KCNH5: variants seen among roughly 807,000 people sequenced by gnomAD.
The protein encoded by KCNH5 is potassium voltage-gated channel subfamily H member 5, also known as voltage-gated delayed rectifier potassium channel KCNH5.
Under a neutral mutation model 96.1 loss-of-function variants are expected in KCNH5, and 46 were observed. The observed-to-expected ratio is 0.48, with a 90% CI of 0.38 to 0.61. KCNH5 has a LOEUF of 0.61. Among genes scored for constraint, KCNH5 ranks in the 20% least tolerant of loss-of-function variants. The pLI is 0.00. For missense variants in KCNH5, 907 were observed against 1,225.8 expected (o/e 0.74, Z 3.88); for synonymous variants, 439 against 449.8 (o/e 0.98, Z 0.30).
intron 8 of KCNH5, among the ~76,000 whole-genome samples, chr14:62,819,947 T>C (rs892136961): frequency 6.6e-6 from 1 of 152,242 alleles, no homozygotes; most frequent in African/African-American, 2.4e-5. Flanking sequence ...GAACATCTCA[T>C]GAGCCATAAG....
At chr14:63,020,713 AT>A (rs1430662673) in intron 1 of KCNH5, among the ~76,000 whole-genome samples, 7 of 152,330 alleles carry the variant, frequency 4.6e-5, no homozygotes, top group African/African-American at 1.4e-4. Context: ...TGATAGAGGT[AT>A]ACGTTACACA....
intron 8 of KCNH5, among the ~76,000 whole-genome samples, chr14:62,822,458 T>C (rs544522400): frequency 3.4e-4 from 51 of 152,070 alleles, no homozygotes; most frequent in Middle Eastern, 3.4e-3. Context: ...CCCAGAAATA[T>C]ACGAACACAG....
chr14:62,745,789 A>C (rs960547694), intron 10 of KCNH5, among the ~76,000 whole-genome samples: 8 of 152,212 alleles, frequency 5.3e-5, no homozygotes, highest in Admixed American at 4.6e-4. Flanking sequence ...AAGTTTGCCT[A>C]ATTCAGGGCT....
intron 7 of KCNH5, among the ~76,000 whole-genome samples, chr14:62,945,112 C>G (rs1390743355): frequency 6.6e-6 from 1 of 152,084 alleles, no homozygotes. Context: ...AACTCTGAAC[C>G]AAATACAGTT....
chr14:62,937,486 C>T (rs961683914), intron 7 of KCNH5, among the ~76,000 whole-genome samples: 1 of 152,164 alleles, frequency 6.6e-6, no homozygotes, highest in Non-Finnish European at 1.5e-5. Flanking sequence ...CCTTGGCCAC[C>T]CCTAGCCCAC....
chr14:62,776,547 A>C (rs1354114110), intron 10 of KCNH5, among the ~76,000 whole-genome samples: 2 of 152,178 alleles, frequency 1.3e-5, no homozygotes, highest in Non-Finnish European at 2.9e-5. Flanking sequence ...TTGTTATGGC[A>C]GTCCAAGCTG....
intron 7 of KCNH5, among the ~76,000 whole-genome samples, chr14:62,887,083 T>A (rs1285496336): frequency 6.6e-6 from 1 of 152,208 alleles, no homozygotes; most frequent in African/African-American, 2.4e-5. Flanking sequence ...TTGCTCCTAA[T>A]TTTGCTTAAA....
At chr14:62,788,469 G>T (rs1007571237) in intron 9 of KCNH5, among the ~76,000 whole-genome samples, 3 of 152,142 alleles carry the variant, frequency 2.0e-5, no homozygotes, top group Non-Finnish European at 4.4e-5. Flanking sequence ...ACTTATACTA[G>T]TTCATAAACT....
At chr14:62,919,483 T>C (rs901079415) in intron 7 of KCNH5, among the ~76,000 whole-genome samples, 1 of 152,148 alleles carries the variant, frequency 6.6e-6, no homozygotes, top group African/African-American at 2.4e-5. Flanking sequence ...GCATCTCACA[T>C]TCCAAACTTG....
intron 4 of KCNH5, among the ~76,000 whole-genome samples, chr14:63,001,084 C>CA (rs1325487683): frequency 4.0e-5 from 6 of 151,590 alleles, no homozygotes; most frequent in African/African-American, 1.2e-4. Context: ...AAAAGACAAA[C>CA]AAAAAAAATG....
rs185855018 is a variant in KCNH5, at chr14:63,033,878, A to G, written c.73+11236T>C. 1.1e-3 allele frequency among the ~76,000 whole-genome samples: 168 copies of G among 152,174 alleles called. 1 individual carries two copies. The highest frequency in any genetic ancestry group is 2.0e-3 in the Non-Finnish European group (136 of 67,984). ...TATTCCCCCGCTTTGAATGGCCTCT[A>G]GAAACTTGTGAATTTAAATCATGCA... On this transcript the variant is annotated intron_variant, in intron 1 of 10. Transcript: ENST00000322893.
At chr14:62,970,279 A>C (rs569246557) in intron 6 of KCNH5, among the ~76,000 whole-genome samples, 5 of 152,050 alleles carry the variant, frequency 3.3e-5, no homozygotes, top group Non-Finnish European at 7.4e-5. Context: ...ATCTGCTAAG[A>C]CCCACACAAG....
At chr14:62,782,812 AAAAATAAAAT>A (rs978747386) in intron 9 of KCNH5, among the ~76,000 whole-genome samples, 1 of 152,176 alleles carries the variant, frequency 6.6e-6, no homozygotes, top group African/African-American at 2.4e-5. Context: ...CTCCATCTCA[AAAAATAAAAT>A]AAAATAAAAT....
intron 7 of KCNH5, among the ~76,000 whole-genome samples, chr14:62,901,572 G>C (rs1255288440): frequency 2.0e-5 from 3 of 152,090 alleles, no homozygotes; most frequent in Non-Finnish European, 4.4e-5. Context: ...TCTTTTTTAT[G>C]GCTGTGTAGT....
At chr14:62,761,700 A>G (rs1387589147) in intron 10 of KCNH5, among the ~76,000 whole-genome samples, 1 of 152,192 alleles carries the variant, frequency 6.6e-6, no homozygotes, top group Non-Finnish European at 1.5e-5. Flanking sequence ...GCAGAGAAAA[A>G]TTATTTACTT....
At chr14:62,799,726 T>TATATATAC (rs1213484157) in intron 9 of KCNH5, among the ~76,000 whole-genome samples, 1,899 of 68,090 alleles carry the variant, frequency 0.028, 37 homozygotes, top group South Asian at 0.051. Context: ...TATATATATA[T>TATATATAC]ACACACACAC....
At chr14:62,709,270 T>C (rs1884519097) in intron 10 of KCNH5, among the ~76,000 whole-genome samples, 1 of 144,586 alleles carries the variant, frequency 6.9e-6, no homozygotes, top group Non-Finnish European at 1.5e-5. Flanking sequence ...TTATCCTCTG[T>C]TTGGGTATCA....
intron 1 of KCNH5, among the ~76,000 whole-genome samples, chr14:63,027,704 T>C (rs564799204): frequency 1.4e-4 from 21 of 152,142 alleles, no homozygotes; most frequent in Non-Finnish European, 2.1e-4. Flanking sequence ...TTAAGAAAAG[T>C]ATTGCAATAT....
At chr14:62,969,559 G>C (rs1890363699) in intron 6 of KCNH5, among the ~76,000 whole-genome samples, 1 of 151,864 alleles carries the variant, frequency 6.6e-6, no homozygotes, top group Admixed American at 6.6e-5. Context: ...ACACAGGGAG[G>C]GGAATAACAC....
Sources: allele counts gnomAD v4.1 joint callset (sites outside exome capture counted in the v4.1 genomes callset), GRCh38; gene constraint gnomAD v4.1.1; transcripts MANE v1.5; gene names NCBI Gene and HGNC (gene_info 2026-07-23, HGNC 2026-07-21).